The following PTPRK variants were observed in gnomAD, a reference collection of about 807,000 sequenced individuals.
PTPRK encodes the protein receptor-type tyrosine-protein phosphatase kappa.
A neutral mutation model predicts 178.0 loss-of-function variants in PTPRK; 75 were observed. The ratio of observed to expected loss-of-function variants is 0.42; its 90% confidence interval spans 0.35 to 0.51. The LOEUF is 0.51. PTPRK is among the 20% of genes least tolerant of loss of function. The pLI is 0.02. For missense variants in PTPRK, 1,441 were observed against 1,797.8 expected (o/e 0.80, Z 3.59); for synonymous variants, 637 against 620.6 (o/e 1.03, Z -0.39).
intron 17 of PTPRK, 79 bp downstream of exon 17, chr6:127,996,820 ACT>A (rs1409057732): frequency 6.8e-7 from 1 of 1,477,734 alleles, no homozygotes. Context: ...CAGACACACC[ACT>A]CTCTGGGATT....
chr6:128,290,658 C>T (rs1399058965), intron 3 of PTPRK, among the ~76,000 whole-genome samples: 1 of 152,048 alleles, frequency 6.6e-6, no homozygotes, highest in Non-Finnish European at 1.5e-5. Context: ...GGATTCTACA[C>T]ATTAGCAATT....
intron 7 of PTPRK, among the ~76,000 whole-genome samples, chr6:128,107,351 G>A (rs779868859): frequency 2.0e-5 from 3 of 151,950 alleles, no homozygotes; most frequent in Non-Finnish European, 2.9e-5. Flanking sequence ...AGAACACATT[G>A]TTTGTATACA....
chr6:128,398,678 G>C (rs747363481), intron 1 of PTPRK, among the ~76,000 whole-genome samples: 6 of 152,190 alleles, frequency 3.9e-5, no homozygotes, highest in Non-Finnish European at 5.9e-5. Context: ...TTTGAGGTCT[G>C]TGATATCTTT....
intron 2 of PTPRK, among the ~76,000 whole-genome samples, chr6:128,347,537 G>A (rs1832582416): frequency 6.6e-6 from 1 of 152,052 alleles, no homozygotes; most frequent in African/African-American, 2.4e-5. Flanking sequence ...TAAGAAGCAG[G>A]AAAGTCAAAC....
At position 127,973,022 on chromosome 6, in the gene PTPRK, C is replaced by T. The variant is rs766949693; in HGVS notation, c.4269G>A (p.Pro1423=). The change falls in exon 29 of 30, where the codon CCG becomes CCA. Residue 1423 remains proline (P), a splice_region_variant and synonymous_variant. Coordinates refer to ENST00000368226, the MANE Select transcript of PTPRK (RefSeq NM_002844.4). ...CCAAATCTAAGATTCTGTGACTCAC[C>T]GGGGCTTCCACCATGTTTGGCTTGC... The part of the protein sequence containing the change: ...RNSKPNMVEA[P]EQYRFCYDVA... The T allele has an allele frequency of 5.3e-5, 86 of 1,613,800 alleles. No individual in the cohort carries two copies. The East Asian group carries it at 9.8e-4, about 18-fold the overall frequency.
At chr6:128,398,155 A>T (rs1202703606) in intron 1 of PTPRK, among the ~76,000 whole-genome samples, 1 of 152,196 alleles carries the variant, frequency 6.6e-6, no homozygotes, top group Non-Finnish European at 1.5e-5. Flanking sequence ...CAGCAGCTCA[A>T]GGGAACAGTA....
intron 3 of PTPRK, among the ~76,000 whole-genome samples, chr6:128,279,184 G>A (rs1821285374): frequency 6.9e-6 from 1 of 144,984 alleles, no homozygotes; most frequent in African/African-American, 2.6e-5. Flanking sequence ...GGGAGAACAA[G>A]TCCCCCAAAT....
At chr6:128,023,838 T>C (rs1460145719) in intron 13 of PTPRK, among the ~76,000 whole-genome samples, 3 of 128,546 alleles carry the variant, frequency 2.3e-5, no homozygotes, top group African/African-American at 1.3e-4. Context: ...TTTCTTTCTT[T>C]TTTTTTTTTT....
At chr6:128,367,998 A>G (rs1476789487) in intron 2 of PTPRK, among the ~76,000 whole-genome samples, 1 of 152,186 alleles carries the variant, frequency 6.6e-6, no homozygotes, top group Non-Finnish European at 1.5e-5. Context: ...TCTAATGTGC[A>G]TACATAACCT....
At position 128,433,982 on chromosome 6, in the gene PTPRK, C is replaced by T. The variant is rs148745361; in HGVS notation, c.101-36294G>A. Among the ~76,000 whole-genome samples the T allele has an allele frequency of 1.9e-3, 283 of 151,552 alleles. 2 individuals are homozygous for T. The highest frequency in any genetic ancestry group is 3.2e-3 in the Non-Finnish European group (220 of 67,908). ...TTGAATGATTTTGTATTAAATCACC[C>T]CAAATCCCAAGTCAGAGATTTCTTA... is the stretch of plus-strand genomic sequence containing the variant. On this transcript the variant is annotated intron_variant, in intron 1 of 29. Transcript: ENST00000368226.
chr6:128,303,693 T>C (rs978238875), intron 3 of PTPRK, among the ~76,000 whole-genome samples: 2 of 152,204 alleles, frequency 1.3e-5, no homozygotes, highest in Admixed American at 6.5e-5. Context: ...GGAAGACTTG[T>C]TAAAGCTGTG....
chr6:128,161,469 C>T (rs558453429), intron 7 of PTPRK, among the ~76,000 whole-genome samples: 25 of 151,578 alleles, frequency 1.6e-4, no homozygotes, highest in African/African-American at 4.3e-4. Context: ...TTAAAATGCC[C>T]GAGGTAAAGA....
intron 5 of PTPRK, among the ~76,000 whole-genome samples, chr6:128,236,960 C>A (rs1813396782): frequency 1.3e-5 from 2 of 151,358 alleles, no homozygotes; most frequent in Non-Finnish European, 2.9e-5. Flanking sequence ...TTTTTCCCTG[C>A]ATTTTTCAAT....
chr6:128,140,041 T>C (rs949148990), intron 7 of PTPRK, among the ~76,000 whole-genome samples: 1 of 152,020 alleles, frequency 6.6e-6, no homozygotes, highest in Non-Finnish European at 1.5e-5. Flanking sequence ...TGTTTTCCCA[T>C]CTCCTGTATA....
In PTPRK at chr6:127,990,769, C is replaced by T. The variant is rs1437722344; in HGVS notation, c.3096G>A (p.Arg1032=). The change falls in exon 21 of 30, where the codon AGG becomes AGA. Residue 1032 remains arginine (R), a splice_region_variant and synonymous_variant. Coordinates refer to ENST00000368226, the MANE Select transcript of PTPRK (RefSeq NM_002844.4). Reference sequence around the variant, plus strand: ...TAAAATAGAATTTTAGAGTACTTACCCTTTCCAGGGTGAATGTCCTAACTA... The same window carrying T: ...TAAAATAGAATTTTAGAGTACTTACTCTTTCCAGGGTGAATGTCCTAACTA... ...EYVVRTFTLE[R]RGYNEIREVK... is the part of the protein sequence containing the mutation. The T allele has an allele frequency of 1.3e-6, 2 of 1,580,778 alleles. No homozygotes were observed.
chr6:128,395,344 AT>A (rs1172686365), intron 2 of PTPRK, among the ~76,000 whole-genome samples: 1 of 152,186 alleles, frequency 6.6e-6, no homozygotes, highest in Non-Finnish European at 1.5e-5. Flanking sequence ...ATTGGAAGAT[AT>A]GGCTGAATTT....
chr6:127,976,796 G>C lies in PTPRK; in HGVS notation c.3844-14C>G. On this transcript the variant is annotated splice_polypyrimidine_tract_variant and intron_variant, in intron 26 of 29. Transcript: ENST00000368226. The stretch of plus-strand genomic sequence containing the variant: ...CTGAGGGCAGCCCTAAATGATGAAC[G>C]TTTTGAAAGAAAAAAAAAAAGAGTA... The C allele has an allele frequency of 6.3e-7, 1 of 1,586,900 alleles. No individual in the cohort carries two copies. The highest frequency in any genetic ancestry group is 8.5e-7 in the Non-Finnish European group (1 of 1,173,158).
At chr6:128,295,122 A>T (rs1824080830) in intron 3 of PTPRK, among the ~76,000 whole-genome samples, 1 of 152,140 alleles carries the variant, frequency 6.6e-6, no homozygotes, top group African/African-American at 2.4e-5. Context: ...TACATTTGAA[A>T]TACAAACTAT....
chr6:128,270,013 C>T (rs73594666), intron 3 of PTPRK, among the ~76,000 whole-genome samples: 5,670 of 152,154 alleles, frequency 0.037, 350 homozygotes, highest in African/African-American at 0.13. Context: ...TTCCTTTCTG[C>T]TGATTGTACC....
Sources: gnomAD v4.1 joint callset for allele counts (sites outside exome capture counted in the v4.1 genomes callset) on GRCh38, gnomAD v4.1.1 for gene constraint, MANE v1.5 for transcripts, NCBI Gene and HGNC (gene_info 2026-07-23, HGNC 2026-07-21) for gene names.